Variants in CELF2 observed in about 807,000 individuals in gnomAD.
CELF2 encodes CUGBP Elav-like family member 2, also known as CUG triplet repeat RNA-binding protein 2.
A neutral mutation model predicts 62.6 loss-of-function variants in CELF2; 8 were observed. That is an observed-to-expected ratio of 0.13 (90% CI 0.07 to 0.23). The LOEUF (loss-of-function observed/expected upper bound fraction) is 0.23, where lower values mean the gene tolerates loss of function less well. Ranked by LOEUF, CELF2 falls within the 10% of genes least tolerant of loss-of-function variation. The pLI, the probability that CELF2 is intolerant of heterozygous loss-of-function variation, is 1.00. For synonymous variants in CELF2, 258 were observed against 250.0 expected (o/e 1.03, Z -0.30); for missense variants, 333 against 671.0 (o/e 0.50, Z 5.56).
chr10:10,586,877 C>A, the CELF2 span, among the ~76,000 whole-genome samples: 2 of 152,104 alleles, frequency 1.3e-5, no homozygotes, highest in Non-Finnish European at 2.9e-5. Flanking sequence ...GGATTGTATA[C>A]GGCAGCTAGA....
At chr10:10,959,118 C>T (rs2049206925) in intron 2 of CELF2, among the ~76,000 whole-genome samples, 1 of 152,002 alleles carries the variant, frequency 6.6e-6, no homozygotes, top group Non-Finnish European at 1.5e-5. Flanking sequence ...ATTAGCCTAG[C>T]GTCGTGGTAG....
rs374809327 is a variant in CELF2 at position 11,166,410 on chromosome 10, TAG to T, written c.271+732_271+733del. Reference sequence around the variant, plus strand: ...GGGGCAGTGGGTGCCATTAATGAGATAGAGACCCAGAAACCATTGTGAGGAGT... The same window carrying T: ...GGGGCAGTGGGTGCCATTAATGAGATAGACCCAGAAACCATTGTGAGGAGT... On this transcript the variant is annotated intron_variant, in intron 2 of 12. Transcript: ENST00000633077. 2.0e-3 allele frequency among the ~76,000 whole-genome samples: 307 copies of T among 152,316 alleles called. 14 individuals carry two copies. In the South Asian group the frequency reaches 0.063, roughly 31 times the overall value.
the CELF2 span, among the ~76,000 whole-genome samples, chr10:10,663,125 G>A: frequency 1.3e-5 from 2 of 152,220 alleles, no homozygotes; most frequent in African/African-American, 2.4e-5. Context: ...AAATATTACA[G>A]GGGCTAAGAG....
chr10:10,911,554 C>G (rs1304208689), intron 1 of CELF2, among the ~76,000 whole-genome samples: 1 of 152,236 alleles, frequency 6.6e-6, no homozygotes, highest in Non-Finnish European at 1.5e-5. Context: ...GTTCCAAGCA[C>G]CGCGCAGTGC....
chr10:11,105,776 T>G (rs1353108091), intron 1 of CELF2, among the ~76,000 whole-genome samples: 1 of 152,206 alleles, frequency 6.6e-6, no homozygotes, highest in Non-Finnish European at 1.5e-5. Context: ...CTGTGCTCTT[T>G]CCCGCTGCAT....
intron 2 of CELF2, among the ~76,000 whole-genome samples, chr10:11,202,222 CT>C (rs1235823147): frequency 6.6e-6 from 1 of 152,068 alleles, no homozygotes; most frequent in Non-Finnish European, 1.5e-5. Flanking sequence ...ATAAGATTGA[CT>C]AGTAATGAAA....
chr10:10,926,352 C>A (rs777912577), intron 2 of CELF2, among the ~76,000 whole-genome samples: 3 of 152,010 alleles, frequency 2.0e-5, no homozygotes, highest in Admixed American at 6.6e-5. Context: ...ATGTGAGGAC[C>A]CAATGTTTGT....
At chr10:10,670,250 T>G in the CELF2 span, among the ~76,000 whole-genome samples, 1 of 152,156 alleles carries the variant, frequency 6.6e-6, no homozygotes, top group African/African-American at 2.4e-5. Context: ...TTTGTTGAAT[T>G]AAACTCAACT....
At chr10:11,208,761 G>A (rs181737325) in intron 2 of CELF2, among the ~76,000 whole-genome samples, 54 of 152,318 alleles carry the variant, frequency 3.5e-4, no homozygotes, top group African/African-American at 1.3e-3. Context: ...GGAAGAGAGG[G>A]ATTCCAGTTT....
chr10:10,962,022 G>A (rs945300177), intron 2 of CELF2, among the ~76,000 whole-genome samples: 1 of 151,928 alleles, frequency 6.6e-6, no homozygotes, highest in Non-Finnish European at 1.5e-5. Context: ...GAGGCCAGGA[G>A]TTCAGGACCA....
chr10:11,091,965 G>A (rs541626994), intron 1 of CELF2, among the ~76,000 whole-genome samples: 4 of 152,168 alleles, frequency 2.6e-5, no homozygotes, highest in South Asian at 2.1e-4. Flanking sequence ...AAATTTCTCA[G>A]TTATATATAA....
Position 11,302,248 on chromosome 10 carries a change from A to G in CELF2, c.977-11891A>G, listed in dbSNP as rs560984801. Among the ~76,000 whole-genome samples the G allele has an allele frequency of 1.3e-5, 2 of 152,270 alleles. No homozygotes were observed. The highest frequency in any genetic ancestry group is 4.8e-5 in the African/African-American group (2 of 41,550). ...GCCTCTCACCTTCTCATGCCTCAGA[A>G]TCAAGTTTTCACCCAGTCGTGATGG... On this transcript the variant is annotated intron_variant, in intron 9 of 12. Coordinates refer to ENST00000633077, the MANE Select transcript of CELF2 (RefSeq NM_001326342.2). This position sits in a 1 kb window ranked among gnomAD's most constrained non-coding sequence, Gnocchi z 5.0.
intron 10 of CELF2, chr10:11,320,933 T>C: frequency 6.5e-7 from 1 of 1,548,178 alleles, no homozygotes; most frequent in Admixed American, 2.0e-5. Flanking sequence ...GGCATTGAGC[T>C]GTCTCGTCTA....
At chr10:10,904,196 C>G (rs1002394042) in intron 1 of CELF2, among the ~76,000 whole-genome samples, 1 of 151,674 alleles carries the variant, frequency 6.6e-6, no homozygotes, top group East Asian at 1.9e-4. Context: ...ATTTTTATCA[C>G]GCAATATGCC....
At chr10:11,017,107 C>CTTCT (rs2057361846), upstream of CELF2, among the ~76,000 whole-genome samples, 1 of 152,176 alleles carries the variant, frequency 6.6e-6, no homozygotes, top group Non-Finnish European at 1.5e-5. The surrounding 1 kb of genome is among the most constrained non-coding windows in gnomAD (Gnocchi z 5.5). Context: ...AACTCGCCAG[C>CTTCT]TTCTCTGTTT....
At chr10:11,138,917 T>C (rs1022508371) in intron 1 of CELF2, among the ~76,000 whole-genome samples, 7 of 152,246 alleles carry the variant, frequency 4.6e-5, no homozygotes, top group Non-Finnish European at 2.9e-5. Context: ...ACTGAAGGCA[T>C]TAAGTGCAGT....
At chr10:11,163,241 A>G (rs1274716401) in intron 1 of CELF2, among the ~76,000 whole-genome samples, 1 of 152,248 alleles carries the variant, frequency 6.6e-6, no homozygotes, top group Non-Finnish European at 1.5e-5. Flanking sequence ...TGTGCTCCGC[A>G]GATGAGGTGC....
chr10:11,109,307 A>G (rs976720328), intron 1 of CELF2, among the ~76,000 whole-genome samples: 3 of 152,158 alleles, frequency 2.0e-5, no homozygotes, highest in African/African-American at 4.8e-5. Flanking sequence ...CCACATATCC[A>G]TGAATCTGTT....
chr10:10,805,048 T>C (rs1229701336), intron 1 of CELF2, among the ~76,000 whole-genome samples: 1 of 152,248 alleles, frequency 6.6e-6, no homozygotes, highest in African/African-American at 2.4e-5. Flanking sequence ...GATGATAATA[T>C]ACAAGAATTA....
Sources: allele counts gnomAD v4.1 joint callset (sites outside exome capture counted in the v4.1 genomes callset), GRCh38; gene constraint gnomAD v4.1.1; non-coding constraint Gnocchi (gnomAD v3.1); transcripts MANE v1.5; gene names NCBI Gene and HGNC (gene_info 2026-07-23, HGNC 2026-07-21).